The following AGAP1 variants were observed in gnomAD, a reference collection of about 807,000 sequenced individuals.
AGAP1 encodes the protein arf-GAP with GTPase, ANK repeat and PH domain-containing protein 1.
In AGAP1, 29 loss-of-function variants were observed where a neutral mutation model predicts 105.3. The ratio of observed to expected loss-of-function variants is 0.28; its 90% CI spans 0.21 to 0.38. The LOEUF is 0.38. Ranked by LOEUF, AGAP1 falls within the 10% of genes least tolerant of loss-of-function variation. The pLI is 1.00. For synonymous variants in AGAP1, 509 were observed against 485.9 expected, an observed-to-expected ratio of 1.05 and a Z score of -0.63; for missense variants, 998 against 1,165.1, an observed-to-expected ratio of 0.86 and a Z score of 2.09.
chr2:235,907,050 C>T (rs1440998585), intron 10 of AGAP1, among the ~76,000 whole-genome samples: 2 of 152,002 alleles, frequency 1.3e-5, no homozygotes, highest in Non-Finnish European at 2.9e-5. Context: ...GTAGACAGCC[C>T]GTTTCCTGGA....
At position 236,130,222 on chromosome 2, in the gene AGAP1, G is replaced by T. The variant is rs932029990; in HGVS notation, c.*6100G>T. 8.5e-5 allele frequency: 13 copies of T among 152,370 alleles called. No homozygotes were observed. The highest frequency in any genetic ancestry group is 2.4e-4 in the African/African-American group (10 of 41,574). The allele number at this position is 152,370 out of a possible 1,614,324, so 9.4% of individuals were successfully genotyped here. Reference sequence around the variant, plus strand: ...GGATATCCTCATGAATGTGAGGAGAGGCTGGCTCAGGGCTTGGTTTTCATT... The same window carrying T: ...GGATATCCTCATGAATGTGAGGAGATGCTGGCTCAGGGCTTGGTTTTCATT... On this transcript the variant is annotated 3_prime_UTR_variant, in exon 18 of 18. Transcript: ENST00000304032. This position sits in a 1 kb window ranked among gnomAD's most constrained non-coding sequence, Gnocchi z 5.8.
At chr2:235,735,683 C>T (rs1219656232) in intron 3 of AGAP1, among the ~76,000 whole-genome samples, 1 of 152,076 alleles carries the variant, frequency 6.6e-6, no homozygotes, top group Admixed American at 6.6e-5. Context: ...TCAGTTCCAC[C>T]TTCCATATAC....
chr2:235,515,651 A>G (rs922972193), intron 1 of AGAP1, among the ~76,000 whole-genome samples: 1 of 152,224 alleles, frequency 6.6e-6, no homozygotes, highest in African/African-American at 2.4e-5. Flanking sequence ...TGAACCAGAC[A>G]TTCTGCAGCC....
At chr2:235,643,880 T>C (rs906910688) in intron 1 of AGAP1, among the ~76,000 whole-genome samples, 1 of 152,210 alleles carries the variant, frequency 6.6e-6, no homozygotes, top group African/African-American at 2.4e-5. Context: ...TGAGCCAGCA[T>C]ACACATTTGG....
intron 5 of AGAP1, among the ~76,000 whole-genome samples, chr2:235,745,299 T>C (rs1419629741): frequency 6.6e-6 from 1 of 152,222 alleles, no homozygotes; most frequent in Non-Finnish European, 1.5e-5. Flanking sequence ...TAAGTTCTGT[T>C]TGTCACCGTC....
intron 9 of AGAP1, among the ~76,000 whole-genome samples, chr2:235,862,854 C>T (rs1402307309): frequency 1.3e-5 from 2 of 152,170 alleles, no homozygotes; most frequent in African/African-American, 4.8e-5. Flanking sequence ...GTCCACTCAC[C>T]GTGCGTGCAT....
At chr2:235,746,395 TTTTTTTTTTTTTTTTTA>T (rs963133574) in intron 5 of AGAP1, among the ~76,000 whole-genome samples, 2 of 129,084 alleles carry the variant, frequency 1.5e-5, no homozygotes, top group Non-Finnish European at 3.3e-5. Context: ...TTTTTTTTTT[TTTTTTTTTTTTTTTTTA>T]AAGCGTACGT....
chr2:235,606,511 C>T (rs57024273), intron 1 of AGAP1, among the ~76,000 whole-genome samples: 44,873 of 151,870 alleles, frequency 0.3, 6,822 homozygotes, highest in South Asian at 0.39. Context: ...CATAATGAAC[C>T]TTTTTTTAAA....
At chr2:235,928,384 C>T (rs538441698) in intron 11 of AGAP1, among the ~76,000 whole-genome samples, 1 of 152,172 alleles carries the variant, frequency 6.6e-6, no homozygotes, top group Admixed American at 6.5e-5. Flanking sequence ...CAGAAATGCA[C>T]CAGGACAACC....
intron 1 of AGAP1, among the ~76,000 whole-genome samples, chr2:235,518,034 G>A (rs189702102): frequency 7.0e-4 from 107 of 152,290 alleles, no homozygotes; most frequent in Non-Finnish European, 1.2e-3. Flanking sequence ...ATTTGCAGGT[G>A]AGAGGTGGAA....
chr2:235,804,171 T>G (rs1373974748), intron 8 of AGAP1, among the ~76,000 whole-genome samples: 1 of 152,224 alleles, frequency 6.6e-6, no homozygotes, highest in African/African-American at 2.4e-5. Flanking sequence ...GGATCAGCAT[T>G]AACCTGAATT....
chr2:235,726,550 C>T (rs188426818), intron 3 of AGAP1, among the ~76,000 whole-genome samples: 90 of 152,286 alleles, frequency 5.9e-4, no homozygotes, highest in Middle Eastern at 6.8e-3. Context: ...CCAATGGAAC[C>T]ACCATCACAC....
rs151211660 is a variant in AGAP1 at position 235,808,847 on chromosome 2, T to G, written c.1050+1516T>G. ...CTTTCCACTTTGATGATGGGTGGTG[T>G]TTTCACTATAAAACACTTCAGAGGT... On this transcript the variant is annotated intron_variant, in intron 9 of 17. Transcript: ENST00000304032. Among the ~76,000 whole-genome samples, 431 of 152,274 alleles carry G rather than the reference T, an allele frequency of 2.8e-3. 2 individuals carry two copies. Among genetic ancestry groups the G allele is most frequent in the East Asian group, 0.02 (103 of 5,182 alleles).
intron 16 of AGAP1, among the ~76,000 whole-genome samples, chr2:236,103,605 G>A (rs1311543950): frequency 6.9e-6 from 1 of 145,424 alleles, no homozygotes; most frequent in South Asian, 2.2e-4. Flanking sequence ...GTCTTGCTGT[G>A]TTGTCCAGAG....
intron 1 of AGAP1, among the ~76,000 whole-genome samples, chr2:235,521,584 T>A (rs1942615385): frequency 6.6e-6 from 1 of 152,172 alleles, no homozygotes; most frequent in Admixed American, 6.5e-5. Flanking sequence ...GCACTGTTTT[T>A]CGTTTGCCTT....
intron 16 of AGAP1, among the ~76,000 whole-genome samples, chr2:236,118,483 G>C (rs1031582314): frequency 6.8e-6 from 1 of 147,238 alleles, no homozygotes; most frequent in African/African-American, 2.5e-5. Flanking sequence ...TCTGCCTCCC[G>C]GGTTCAAGCC....
chr2:235,536,254 T>TACAC (rs60307150), intron 1 of AGAP1, among the ~76,000 whole-genome samples: 1 of 4,396 alleles, frequency 2.3e-4, no homozygotes, highest in Admixed American at 2.9e-3. Context: ...TGTGGCATCC[T>TACAC]ACACACACAC....
intron 1 of AGAP1, among the ~76,000 whole-genome samples, chr2:235,591,835 A>G (rs1416849364): frequency 6.6e-6 from 1 of 151,932 alleles, no homozygotes; most frequent in Non-Finnish European, 1.5e-5. Flanking sequence ...TGGTTGTTTA[A>G]AAGAGCCTGC....
intron 1 of AGAP1, chr2:235,670,528 G>A (rs1049477877): frequency 1.9e-5 from 9 of 484,546 alleles, no homozygotes; most frequent in Admixed American, 1.7e-4. Flanking sequence ...ACGTGGAGGG[G>A]GCCCGGGCCG....
Sources: allele counts gnomAD v4.1 joint callset (sites outside exome capture counted in the v4.1 genomes callset), GRCh38; gene constraint gnomAD v4.1.1; non-coding constraint Gnocchi (gnomAD v3.1); transcripts MANE v1.5; gene names NCBI Gene and HGNC (gene_info 2026-07-23, HGNC 2026-07-21).